ADGRL3: variants seen among roughly 807,000 people sequenced by gnomAD.
ADGRL3 encodes the protein calcium-independent alpha-latrotoxin receptor 3.
ADGRL3 carries 62 observed loss-of-function variants against 153.5 expected under a neutral mutation model. The observed-to-expected ratio is 0.40, with a 90% CI of 0.33 to 0.50. The LOEUF is 0.50. Among genes scored for constraint, ADGRL3 ranks in the 20% least tolerant of loss-of-function variants. The pLI is 0.47. For synonymous variants in ADGRL3, 710 were observed against 672.5 expected, an observed-to-expected ratio of 1.06 and a Z score of -0.86; for missense variants, 1,641 against 1,859.4, an observed-to-expected ratio of 0.88 and a Z score of 2.16.
chr4:61,548,293 A>T (rs2148757816), intron 4 of ADGRL3, among the ~76,000 whole-genome samples: 1 of 152,062 alleles, frequency 6.6e-6, no homozygotes, highest in East Asian at 1.9e-4. Context: ...ATTAGGTACG[A>T]TTTGTCAATT....
chr4:61,766,467 G>A (rs2096981890), intron 8 of ADGRL3, among the ~76,000 whole-genome samples: 1 of 152,118 alleles, frequency 6.6e-6, no homozygotes. Context: ...TGGCTCTTGT[G>A]TAAGAATTCT....
intron 1 of ADGRL3, among the ~76,000 whole-genome samples, chr4:61,341,729 C>T (rs2095812041): frequency 6.6e-6 from 1 of 151,862 alleles, no homozygotes; most frequent in Non-Finnish European, 1.5e-5. Context: ...ATATGCAAGG[C>T]CCACAATTTA....
At chr4:61,850,131 G>A (rs2098183962) in intron 9 of ADGRL3, among the ~76,000 whole-genome samples, 1 of 152,104 alleles carries the variant, frequency 6.6e-6, no homozygotes, top group African/African-American at 2.4e-5. Flanking sequence ...AGAACGTTGT[G>A]ATGGTCAATC....
At chr4:62,060,607 G>A (rs930657441) in intron 25 of ADGRL3, among the ~76,000 whole-genome samples, 1 of 151,656 alleles carries the variant, frequency 6.6e-6, no homozygotes, top group African/African-American at 2.4e-5. Flanking sequence ...ATATAAGATG[G>A]GAAGTACAAT....
At chr4:61,352,327 TTAAGA>T (rs1416578316) in intron 1 of ADGRL3, among the ~76,000 whole-genome samples, 1 of 152,194 alleles carries the variant, frequency 6.6e-6, no homozygotes, top group South Asian at 2.1e-4. Flanking sequence ...TATTTTTAAA[TTAAGA>T]TATGTACTTT....
intron 1 of ADGRL3, among the ~76,000 whole-genome samples, chr4:61,305,095 A>G (rs1011396901): frequency 2.6e-5 from 4 of 152,210 alleles, no homozygotes; most frequent in African/African-American, 9.6e-5. Context: ...ATTAATCATA[A>G]GCCTGGTGCC....
chr4:61,736,754 G>C (rs1373399166), intron 8 of ADGRL3, among the ~76,000 whole-genome samples: 1 of 152,168 alleles, frequency 6.6e-6, no homozygotes, highest in Non-Finnish European at 1.5e-5. Flanking sequence ...ACTTAAGTCA[G>C]GAGATTGAAT....
At chr4:61,790,023 G>C (rs147630464) in intron 8 of ADGRL3, among the ~76,000 whole-genome samples, 1 of 152,180 alleles carries the variant, frequency 6.6e-6, no homozygotes, top group Non-Finnish European at 1.5e-5. Flanking sequence ...AAAACTTTTA[G>C]GATACATTTT....
At chr4:61,848,560 A>G (rs3860623) in intron 9 of ADGRL3, among the ~76,000 whole-genome samples, 109,005 of 151,890 alleles carry the variant, frequency 0.72, 40,215 homozygotes, top group Non-Finnish European at 0.83. Context: ...CGAAGACCAT[A>G]TTTCCAAATA....
At chr4:61,392,685 A>AAAAAAAAAAAAAAAAAAG in intron 2 of ADGRL3, among the ~76,000 whole-genome samples, 1 of 87,020 alleles carries the variant, frequency 1.1e-5, no homozygotes, top group Non-Finnish European at 2.2e-5. Flanking sequence ...ACTCCATCTC[A>AAAAAAAAAAAAAAAAAAG]AAAAAAAAAA....
At position 61,907,783 on chromosome 4, in the gene ADGRL3, G is replaced by T. The variant is rs1025363165; in HGVS notation, c.1888-1777G>T. Among the ~76,000 whole-genome samples, 5 of 152,204 alleles carry T rather than the reference G, an allele frequency of 3.3e-5. No individual in the cohort carries two copies. In the South Asian group the frequency reaches 8.3e-4, roughly 25 times the overall value. On this transcript the variant is annotated intron_variant, in intron 11 of 26. Transcript: ENST00000683033. ...TTATCTTTAAAGAAAAATTAGAAAT[G>T]CCTTTGTTCTCTAGATATCGGGATA...
At chr4:61,231,783 C>T (rs576684644) in intron 1 of ADGRL3, among the ~76,000 whole-genome samples, 7 of 151,994 alleles carry the variant, frequency 4.6e-5, no homozygotes, top group South Asian at 4.2e-4. Flanking sequence ...CCTCCCGGCA[C>T]GTGGTAAGTA....
chr4:62,053,174 T>A (rs993579), intron 25 of ADGRL3, among the ~76,000 whole-genome samples: 132,662 of 151,324 alleles, frequency 0.88, 59,113 homozygotes, highest in Non-Finnish European at 0.95. Context: ...TCTGTCTGCT[T>A]TTGTGAGGTA....
intron 8 of ADGRL3, among the ~76,000 whole-genome samples, chr4:61,751,543 T>C (rs2096756548): frequency 6.6e-6 from 1 of 152,128 alleles, no homozygotes; most frequent in Admixed American, 6.6e-5. Context: ...AAGTATATAA[T>C]GCAGACAAGC....
intron 21 of ADGRL3, among the ~76,000 whole-genome samples, chr4:62,015,213 A>G (rs984645484): frequency 2.6e-5 from 4 of 152,246 alleles, no homozygotes; most frequent in Non-Finnish European, 4.4e-5. Flanking sequence ...ACATACAGCT[A>G]TGTATTCTAA....
chr4:61,648,754 C>T (rs2094139029), intron 5 of ADGRL3, among the ~76,000 whole-genome samples: 1 of 151,992 alleles, frequency 6.6e-6, no homozygotes, highest in Admixed American at 6.6e-5. Flanking sequence ...GTGTGCCAGA[C>T]ACTGTTAAGC....
chr4:61,388,400 A>T (rs970364309), intron 2 of ADGRL3, among the ~76,000 whole-genome samples: 2 of 152,226 alleles, frequency 1.3e-5, no homozygotes, highest in East Asian at 1.9e-4. Flanking sequence ...GACCTCTTTC[A>T]GTGTATTTAA....
intron 5 of ADGRL3, among the ~76,000 whole-genome samples, chr4:61,644,961 G>T (rs374256446): frequency 6.6e-6 from 1 of 151,952 alleles, no homozygotes; most frequent in African/African-American, 2.4e-5. Context: ...TTATGAATCT[G>T]GGTGCTCCTG....
chr4:61,791,850 G>T (rs2097345939), intron 8 of ADGRL3, among the ~76,000 whole-genome samples: 1 of 152,204 alleles, frequency 6.6e-6, no homozygotes, highest in Non-Finnish European at 1.5e-5. Flanking sequence ...TGAAGCCATG[G>T]CCTGAGCTGT....
Sources: gnomAD v4.1 joint callset for allele counts (sites outside exome capture counted in the v4.1 genomes callset) on GRCh38, gnomAD v4.1.1 for gene constraint, MANE v1.5 for transcripts, NCBI Gene and HGNC (gene_info 2026-07-23, HGNC 2026-07-21) for gene names.